Variants in TBC1D1 observed in about 807,000 individuals in gnomAD.
The protein encoded by TBC1D1 is TBC1 domain family member 1.
TBC1D1 carries 89 observed loss-of-function variants against 125.6 expected under a neutral mutation model. The ratio of observed to expected loss-of-function variants is 0.71; its 90% CI spans 0.60 to 0.85. The LOEUF (loss-of-function observed/expected upper bound fraction) is 0.85. TBC1D1 is among the 40% of genes least tolerant of loss of function. The probability of loss-of-function intolerance (pLI) is 0.00; values close to 1 mark genes in which losing one functional copy is unlikely to be tolerated. For missense variants in TBC1D1, 1,377 were observed against 1,469.2 expected, an observed-to-expected ratio of 0.94 and a Z score of 1.03; for synonymous variants, 565 against 564.1, an observed-to-expected ratio of 1.00 and a Z score of -0.02.
At chr4:37,953,479 T>C (rs1435563870) in intron 2 of TBC1D1, among the ~76,000 whole-genome samples, 1 of 152,234 alleles carries the variant, frequency 6.6e-6, no homozygotes, top group African/African-American at 2.4e-5. Context: ...AGTTATGTAG[T>C]ATAATATGTA....
At chr4:37,928,143 G>A (rs1459049174) in intron 2 of TBC1D1, among the ~76,000 whole-genome samples, 2 of 152,148 alleles carry the variant, frequency 1.3e-5, no homozygotes, top group Non-Finnish European at 2.9e-5. Flanking sequence ...GATTCAATGA[G>A]TTAAGATGTG....
intron 2 of TBC1D1, among the ~76,000 whole-genome samples, chr4:37,935,792 G>A (rs752316490): frequency 7.2e-5 from 11 of 152,058 alleles, no homozygotes; most frequent in Non-Finnish European, 1.3e-4. Context: ...TCTTACCTTC[G>A]CCATTATCCT....
At chr4:37,964,604 G>C (rs1410461693) in intron 2 of TBC1D1, among the ~76,000 whole-genome samples, 1 of 152,328 alleles carries the variant, frequency 6.6e-6, no homozygotes, top group Admixed American at 6.5e-5. Context: ...GGTTCAGATG[G>C]AGTTTGGCCT....
intron 2 of TBC1D1, among the ~76,000 whole-genome samples, chr4:37,920,452 G>C (rs1031615914): frequency 6.6e-6 from 1 of 152,316 alleles, no homozygotes; most frequent in South Asian, 2.1e-4. Flanking sequence ...GTGCAGAAAA[G>C]AGGAGGGAGA....
chr4:37,910,108 G>A (rs888385552), intron 2 of TBC1D1, among the ~76,000 whole-genome samples: 1 of 152,126 alleles, frequency 6.6e-6, no homozygotes, highest in Non-Finnish European at 1.5e-5. Flanking sequence ...ATTTTTTAAA[G>A]TCTTTTTATT....
chr4:38,043,840 T>C (rs113078535), intron 8 of TBC1D1, among the ~76,000 whole-genome samples: 8 of 152,300 alleles, frequency 5.3e-5, no homozygotes, highest in African/African-American at 1.9e-4. Flanking sequence ...GGTTCTTTAA[T>C]TGAGAAATTT....
At chr4:38,136,808 C>T (rs867699998) in intron 19 of TBC1D1, among the ~76,000 whole-genome samples, 1 of 152,176 alleles carries the variant, frequency 6.6e-6, no homozygotes, top group Non-Finnish European at 1.5e-5. Context: ...TTCTTTGGCC[C>T]TATCCAAGCT....
At chr4:37,933,483 A>G (rs1444538469) in intron 2 of TBC1D1, among the ~76,000 whole-genome samples, 1 of 151,906 alleles carries the variant, frequency 6.6e-6, no homozygotes, top group Non-Finnish European at 1.5e-5. Flanking sequence ...GTAGAATAAT[A>G]AAAAAATAAA....
chr4:38,030,677 C>G (rs1051283216), intron 7 of TBC1D1, among the ~76,000 whole-genome samples: 1 of 152,190 alleles, frequency 6.6e-6, no homozygotes, highest in Non-Finnish European at 1.5e-5. Context: ...GGTGGCTTTG[C>G]AGTTTCCTGA....
chr4:37,948,235 G>A (rs1430749814), intron 2 of TBC1D1, among the ~76,000 whole-genome samples: 5 of 152,324 alleles, frequency 3.3e-5, no homozygotes, highest in East Asian at 1.9e-4. Flanking sequence ...GTGGGTGTGT[G>A]AAGAAGAGCT....
At chr4:38,016,206 A>G (rs75428007) in intron 3 of TBC1D1, among the ~76,000 whole-genome samples, 1,666 of 152,360 alleles carry the variant, frequency 0.011, 27 homozygotes, top group African/African-American at 0.038. Context: ...GAAGTACAGC[A>G]TGCCTGAGAG....
At chr4:38,048,410 C>G (rs1032243105) in intron 10 of TBC1D1, among the ~76,000 whole-genome samples, 1 of 152,116 alleles carries the variant, frequency 6.6e-6, no homozygotes, top group Non-Finnish European at 1.5e-5. Flanking sequence ...AGAATCTTCA[C>G]AACTGTTGAG....
intron 12 of TBC1D1, among the ~76,000 whole-genome samples, chr4:38,067,999 C>G (rs1007932886): frequency 6.6e-6 from 1 of 152,158 alleles, no homozygotes; most frequent in South Asian, 2.1e-4. Context: ...TCTCGCCTGA[C>G]GAGAGGTCTG....
At chr4:37,898,306 A>G (rs554075539) in intron 1 of TBC1D1, among the ~76,000 whole-genome samples, 31 of 152,148 alleles carry the variant, frequency 2.0e-4, no homozygotes, top group African/African-American at 6.8e-4. Context: ...AACACCTTGG[A>G]AAAAAGAGGT....
intron 2 of TBC1D1, among the ~76,000 whole-genome samples, chr4:37,991,210 A>G (rs888869670): frequency 1.3e-5 from 2 of 152,230 alleles, no homozygotes; most frequent in African/African-American, 4.8e-5. Context: ...CTCACGGTTA[A>G]TTTTGATCAG....
chr4:38,054,379 C>G, intron 12 of TBC1D1, 41 bp downstream of exon 14: 2 of 1,610,852 alleles, frequency 1.2e-6, no homozygotes, highest in African/African-American at 2.7e-5. Context: ...AGAGAGCACG[C>G]TGACAGAGGA....
chr4:38,022,204 G>A (rs954865862), intron 6 of TBC1D1, among the ~76,000 whole-genome samples: 74 of 152,192 alleles, frequency 4.9e-4, no homozygotes, highest in Non-Finnish European at 6.2e-4. Context: ...TCAAAGAAAC[G>A]GTGACTATTA....
Position 38,115,744 on chromosome 4 carries a change from C to T in TBC1D1, c.2592C>T (p.Ala864=). ...TTCCTACACACCCATACTTCTCTGC[C>T]CAGCTTGGAGCAGGACAGCTATCGC... The change falls in exon 16 of 20, where the codon GCC becomes GCT. Residue 864 remains alanine, a synonymous_variant. Coordinates refer to ENST00000261439, the MANE Select transcript of TBC1D1 (RefSeq NM_015173.4). 1 of 1,614,064 alleles carries T rather than the reference C, an allele frequency of 6.2e-7. No individual in the cohort carries two copies. Among genetic ancestry groups the T allele is most frequent in the Non-Finnish European group, 8.5e-7 (1 of 1,179,986 alleles).
intron 2 of TBC1D1, among the ~76,000 whole-genome samples, chr4:37,976,263 T>G (rs1389984829): frequency 1.3e-5 from 2 of 152,196 alleles, no homozygotes; most frequent in South Asian, 4.1e-4. Flanking sequence ...TGGAAGTGGA[T>G]CCTTCAGTCC....
Sources: allele counts gnomAD v4.1 joint callset (sites outside exome capture counted in the v4.1 genomes callset), GRCh38; gene constraint gnomAD v4.1.1; transcripts MANE v1.5; gene names NCBI Gene and HGNC (gene_info 2026-07-23, HGNC 2026-07-21).